CTDSPL: variants seen among roughly 807,000 people sequenced by gnomAD.
CTDSPL encodes the protein CTD small phosphatase like, also known as CTD small phosphatase-like protein.
A neutral mutation model predicts 30.5 loss-of-function variants in CTDSPL; 8 were observed. That is an observed-to-expected ratio of 0.26 (90% CI 0.15 to 0.47). The LOEUF (loss-of-function observed/expected upper bound fraction) is 0.47, where lower values mean the gene tolerates loss of function less well. Ranked by LOEUF, CTDSPL falls within the 20% of genes least tolerant of loss-of-function variation. The probability of loss-of-function intolerance (pLI) is 0.99; values close to 1 mark genes in which losing one functional copy is unlikely to be tolerated. For missense variants in CTDSPL, 248 were observed against 366.1 expected, an observed-to-expected ratio of 0.68 and a Z score of 2.63; for synonymous variants, 110 against 137.9, an observed-to-expected ratio of 0.80 and a Z score of 1.42.
intron 2 of CTDSPL, among the ~76,000 whole-genome samples, chr3:37,947,475 G>A (rs1231343561): frequency 6.6e-6 from 1 of 152,068 alleles, no homozygotes; most frequent in Admixed American, 6.5e-5. Flanking sequence ...CAGGAGAATC[G>A]CTTGAACCTG....
intron 1 of CTDSPL, among the ~76,000 whole-genome samples, chr3:37,926,902 G>A (rs1698787763): frequency 6.6e-6 from 1 of 152,156 alleles, no homozygotes; most frequent in South Asian, 2.1e-4. Context: ...ATGACAGAAG[G>A]CAGAAAACTA....
At chr3:37,955,526 G>T (rs1198171814) in intron 2 of CTDSPL, among the ~76,000 whole-genome samples, 1 of 152,186 alleles carries the variant, frequency 6.6e-6, no homozygotes, top group African/African-American at 2.4e-5. Flanking sequence ...AAAAGAAGAA[G>T]TCATGTCATT....
chr3:37,866,248 T>G (rs932748770), intron 1 of CTDSPL, among the ~76,000 whole-genome samples: 1 of 152,130 alleles, frequency 6.6e-6, no homozygotes, highest in Non-Finnish European at 1.5e-5. Context: ...TACAGATAGG[T>G]GAATTTTCAA....
At chr3:37,889,305 C>T (rs1326514494) in intron 1 of CTDSPL, among the ~76,000 whole-genome samples, 2 of 152,178 alleles carry the variant, frequency 1.3e-5, no homozygotes, top group African/African-American at 4.8e-5. Flanking sequence ...GGATATCAAA[C>T]TGTTTGAAAT....
chr3:37,982,028 G>A lies in CTDSPL; in HGVS notation c.*1161G>A. On this transcript the variant is annotated 3_prime_UTR_variant, in exon 8 of 8. Coordinates refer to ENST00000273179, the MANE Select transcript of CTDSPL (RefSeq NM_001008392.2). ...CCTCCACCACCTGTAACCCCTTCCT[G>A]GCATTGGCCACTGAAGGGTACAAAG... 5.1e-6 allele frequency: 2 copies of A among 392,906 alleles called. No individual in the cohort carries two copies. The highest frequency in any genetic ancestry group is 3.7e-5 in the South Asian group (2 of 53,978). The allele number at this position is 392,906 out of a possible 1,614,324, so 24.3% of individuals were successfully genotyped here.
chr3:37,969,319 C>A, intron 5 of CTDSPL: 1 of 472,586 alleles, frequency 2.1e-6, no homozygotes, highest in South Asian at 1.5e-5. Context: ...ATCACAAGGT[C>A]CCAGGGCTGG....
At chr3:37,931,050 C>G (rs1252124701) in intron 1 of CTDSPL, among the ~76,000 whole-genome samples, 1 of 151,828 alleles carries the variant, frequency 6.6e-6, no homozygotes, top group Non-Finnish European at 1.5e-5. Flanking sequence ...CTTTCACTTT[C>G]AGCCTATGTG....
At chr3:37,921,898 C>A (rs1255700468) in intron 1 of CTDSPL, among the ~76,000 whole-genome samples, 1 of 152,170 alleles carries the variant, frequency 6.6e-6, no homozygotes, top group African/African-American at 2.4e-5. Context: ...ATGAAGACTT[C>A]TCCTTGCAGG....
rs375910003 is a variant in CTDSPL, at chr3:37,890,899, T to G, written c.79+28621T>G. On this transcript the variant is annotated intron_variant, in intron 1 of 7. Coordinates refer to ENST00000273179, the MANE Select transcript of CTDSPL (RefSeq NM_001008392.2). ...CTTCATAGATGGATTTAGAAAACGGTTTTGCCACCTTGTTATTGAGACAAC... is the reference window on the plus strand; with the variant it reads ...CTTCATAGATGGATTTAGAAAACGGGTTTGCCACCTTGTTATTGAGACAAC... Among the ~76,000 whole-genome samples the G allele has an allele frequency of 1.3e-4, 20 of 152,206 alleles. No individual in the cohort carries two copies. In the East Asian group the frequency reaches 1.7e-3, roughly 13 times the overall value.
chr3:37,867,457 A>G (rs1364341054), intron 1 of CTDSPL, among the ~76,000 whole-genome samples: 1 of 152,220 alleles, frequency 6.6e-6, no homozygotes, highest in Non-Finnish European at 1.5e-5. Context: ...AAGTCTTCAT[A>G]TCTCTGGGAT....
intron 2 of CTDSPL, among the ~76,000 whole-genome samples, chr3:37,950,709 A>T (rs952074219): frequency 6.6e-6 from 1 of 152,246 alleles, no homozygotes; most frequent in Non-Finnish European, 1.5e-5. Flanking sequence ...GAATCTGTGG[A>T]TTGAAGGAGC....
rs920646055 is a variant in CTDSPL, at chr3:37,981,090, G to A, written c.*223G>A. 2 of 246,496 alleles carry A rather than the reference G, an allele frequency of 8.1e-6. No individual in the cohort carries two copies. The highest frequency in any genetic ancestry group is 4.7e-5 in the African/African-American group (2 of 42,620). 15.3% of individuals were successfully genotyped at this position (246,496 alleles called of 1,614,324 possible). A position where few individuals can be genotyped will look rare whatever the true frequency, so the allele number is the denominator to read the frequency against. On this transcript the variant is annotated 3_prime_UTR_variant, in exon 8 of 8. Coordinates refer to ENST00000273179, the MANE Select transcript of CTDSPL (RefSeq NM_001008392.2). ...CATAAAGGGACATGCATTTTACTGG[G>A]TTTGCTTTTCTTAAAACATACCAAA...
rs530121311 is a variant in CTDSPL at position 37,870,762 on chromosome 3, G to A, written c.79+8484G>A. ...CGAATTTTGATATTTTGCAATTTTG[G>A]TTTTCATTCAGTTCAATACTTTTTA... is the stretch of plus-strand genomic sequence containing the variant. On this transcript the variant is annotated intron_variant, in intron 1 of 7. Transcript: ENST00000273179. Among the ~76,000 whole-genome samples the A allele has an allele frequency of 7.4e-4, 113 of 152,106 alleles. 1 individual carries two copies. Among genetic ancestry groups the A allele is most frequent in the Admixed American group, 7.3e-3 (111 of 15,276 alleles).
chr3:37,952,166 G>C (rs1220550532), intron 2 of CTDSPL, among the ~76,000 whole-genome samples: 2 of 151,986 alleles, frequency 1.3e-5, no homozygotes, highest in Non-Finnish European at 2.9e-5. Context: ...GCTAGAGCAA[G>C]ATCCTGTCTT....
chr3:37,963,363 A>G (rs1193542891), intron 3 of CTDSPL, among the ~76,000 whole-genome samples: 2 of 152,204 alleles, frequency 1.3e-5, no homozygotes, highest in African/African-American at 2.4e-5. Flanking sequence ...CTAGAGTTCA[A>G]AATTAACTTT....
At chr3:37,978,695 T>A (rs1242238781) in intron 7 of CTDSPL, among the ~76,000 whole-genome samples, 2 of 152,166 alleles carry the variant, frequency 1.3e-5, no homozygotes, top group Non-Finnish European at 2.9e-5. Flanking sequence ...GCTTCCTTAC[T>A]TTCTTAAACA....
chr3:37,971,281 A>G (rs1699363893), intron 5 of CTDSPL, 126 bp from the exon 6 acceptor site: 2 of 766,098 alleles, frequency 2.6e-6, no homozygotes, highest in Admixed American at 4.3e-5. Context: ...TCTGCCTGCT[A>G]TGCATAGACC....
chr3:37,943,349 G>T (rs746015274), intron 1 of CTDSPL, among the ~76,000 whole-genome samples: 1 of 149,984 alleles, frequency 6.7e-6, no homozygotes, highest in Non-Finnish European at 1.5e-5. Context: ...GTGGGGAAAT[G>T]GGGGGAGGAG....
rs1404578878 is a variant in CTDSPL, at chr3:37,868,355, C to T, written c.79+6077C>T. On this transcript the variant is annotated intron_variant, in intron 1 of 7. Transcript: ENST00000273179. ...GTGGTTTGCAAGTATTTCTTCTAGC[C>T]TATAGCTTGGCTTTTCATCCTCTAA... Among the ~76,000 whole-genome samples the T allele has an allele frequency of 2.0e-5, 3 of 151,976 alleles. No individual in the cohort carries two copies. The East Asian group carries it at 5.8e-4, about 29-fold the overall frequency.
Sources: allele counts gnomAD v4.1 joint callset (sites outside exome capture counted in the v4.1 genomes callset), GRCh38; gene constraint gnomAD v4.1.1; transcripts MANE v1.5; gene names NCBI Gene and HGNC (gene_info 2026-07-23, HGNC 2026-07-21).